PLB1: variants seen among roughly 807,000 people sequenced by gnomAD.
PLB1 encodes the protein phospholipase B1, membrane-associated.
A neutral mutation model predicts 227.4 loss-of-function variants in PLB1; 242 were observed. The ratio of observed to expected loss-of-function variants is 1.06; its 90% CI spans 0.96 to 1.18. The LOEUF (loss-of-function observed/expected upper bound fraction) is 1.18, where lower values mean the gene tolerates loss of function less well. PLB1 is among the 50% of genes most tolerant of loss of function. The pLI is 0.00. For synonymous variants in PLB1, 757 were observed against 682.2 expected, an observed-to-expected ratio of 1.11 and a Z score of -1.71; for missense variants, 1,858 against 1,816.3, an observed-to-expected ratio of 1.02 and a Z score of -0.42.
rs867436061 is a variant in PLB1 at position 28,548,860 on chromosome 2, A to G, written c.937A>G (p.Met313Val). ...TTCTAAAGCCCACGTTCCTTTCTAG[A>G]TGGAGCCAGCAGGAGAGAAAGATGA... is the stretch of plus-strand genomic sequence containing the variant. ...TLAWHLWNRM[M>V]EPAGEKDEPL... The change falls in exon 15 of 58, where the codon ATG (methionine) becomes GTG (valine). Residue 313 changes from methionine (M) to valine (V), a missense_variant and splice_region_variant. By Grantham distance (21) the Met-to-Val change is conservative. Coordinates refer to ENST00000327757, the MANE Select transcript of PLB1 (RefSeq NM_153021.5). 1.2e-6 allele frequency: 2 copies of G among 1,614,060 alleles called. No individual in the cohort carries two copies. The highest frequency in any genetic ancestry group is 3.3e-4 in the Middle Eastern group (2 of 6,056).
intron 23 of PLB1, 87 bp from the exon 24 acceptor site, chr2:28,581,978 AAAG>A (rs905189963): frequency 1.2e-5 from 16 of 1,310,864 alleles, no homozygotes; most frequent in African/African-American, 7.6e-5. Flanking sequence ...GAAAAAAAAA[AAAG>A]AAGGGGACCC....
intron 26 of PLB1, among the ~76,000 whole-genome samples, chr2:28,588,714 C>T (rs1681335640): frequency 6.6e-6 from 1 of 152,170 alleles, no homozygotes; most frequent in African/African-American, 2.4e-5. Context: ...CAAAGAAGTG[C>T]ACACACACCA....
chr2:28,556,462 A>G (rs1449710368), intron 17 of PLB1, among the ~76,000 whole-genome samples: 1 of 152,138 alleles, frequency 6.6e-6, no homozygotes, highest in Non-Finnish European at 1.5e-5. Context: ...AAAACTTGCA[A>G]CTTTTTCCTC....
chr2:28,614,142 C>T (rs761597172), intron 44 of PLB1, 46 bp downstream of exon 44: 1 of 1,532,262 alleles, frequency 6.5e-7, no homozygotes, highest in East Asian at 2.2e-5. Context: ...AAACCATTTC[C>T]ACCTGCCAGG....
rs1031747262 is a variant in PLB1, at chr2:28,643,958, A to G, written c.*897A>G. 6.6e-6 allele frequency among the ~76,000 whole-genome samples: 1 copy of G among 152,228 alleles called. No homozygotes were observed. Among genetic ancestry groups the G allele is most frequent in the Non-Finnish European group, 1.5e-5 (1 of 68,034 alleles). On this transcript the variant is annotated 3_prime_UTR_variant, in exon 58 of 58. Transcript: ENST00000327757. The stretch of plus-strand genomic sequence containing the variant: ...GCCCCGTGCTGGAGGCCTTCCACAG[A>G]TGGTCTCTTTTATGCTGCACAAAAG...
chr2:28,521,114 C>T (rs1669475542), intron 4 of PLB1, among the ~76,000 whole-genome samples: 1 of 152,206 alleles, frequency 6.6e-6, no homozygotes, highest in African/African-American at 2.4e-5. Flanking sequence ...CCCTTCCTTT[C>T]TTAAGGATGA....
At chr2:28,537,792 T>G (rs1053156141) in intron 9 of PLB1, among the ~76,000 whole-genome samples, 6 of 151,504 alleles carry the variant, frequency 4.0e-5, no homozygotes, top group African/African-American at 1.5e-4. Flanking sequence ...AATACTCAGG[T>G]GGCAGGACCC....
chr2:28,566,725 C>T (rs1372344407), intron 19 of PLB1, 71 bp from the exon 20 acceptor site: 1 of 1,544,852 alleles, frequency 6.5e-7, no homozygotes. Flanking sequence ...GCGTTTCTGG[C>T]TAGTGTCTGA....
intron 56 of PLB1, chr2:28,633,306 C>G (rs1247361015): frequency 1.6e-5 from 7 of 441,138 alleles, no homozygotes; most frequent in Middle Eastern, 6.2e-4. Context: ...GAGGGGATCC[C>G]TTTGTAATCA....
intron 29 of PLB1, 62 bp downstream of exon 29, chr2:28,590,138 C>A: frequency 7.1e-7 from 1 of 1,404,862 alleles, no homozygotes; most frequent in Non-Finnish European, 1.0e-6. Flanking sequence ...CTCATTTCAT[C>A]CTAGGCCCTC....
Position 28,565,293 on chromosome 2 carries a change from C to T in PLB1, c.1220C>T (p.Ala407Val). ...LGDSLTAGNG[A>V]GSTPGNVLDV... The stretch of plus-strand genomic sequence containing the variant: ...GTTCCCTCTCAGGCAGGCAATGGGG[C>T]CGGGTCCACACCTGGGAACGTCTTG... The change falls in exon 19 of 58, where the codon GCC (alanine) becomes GTC (valine). Residue 407 changes from alanine (A) to valine (V), a missense_variant. Transcript: ENST00000327757. 6.2e-7 allele frequency: 1 copy of T among 1,611,874 alleles called. No individual in the cohort carries two copies. The highest frequency in any genetic ancestry group is 8.5e-7 in the Non-Finnish European group (1 of 1,179,172).
At chr2:28,550,628 C>T (rs920920145) in intron 16 of PLB1, among the ~76,000 whole-genome samples, 2 of 150,552 alleles carry the variant, frequency 1.3e-5, no homozygotes, top group African/African-American at 4.9e-5. Flanking sequence ...GTAACCTTAG[C>T]CTCCTGGGTT....
At chr2:28,569,370 T>A (rs1385721735) in intron 20 of PLB1, among the ~76,000 whole-genome samples, 5 of 152,150 alleles carry the variant, frequency 3.3e-5, no homozygotes, top group African/African-American at 9.7e-5. Flanking sequence ...TAGACCCTGC[T>A]CTCAGGATGG....
At chr2:28,499,445 T>A (rs1666831559) in intron 1 of PLB1, among the ~76,000 whole-genome samples, 1 of 151,916 alleles carries the variant, frequency 6.6e-6, no homozygotes, top group African/African-American at 2.4e-5. Context: ...ATAATGACGG[T>A]GTTGTTACTT....
At chr2:28,539,482 A>G (rs1007530241) in intron 11 of PLB1, among the ~76,000 whole-genome samples, 112 of 152,224 alleles carry the variant, frequency 7.4e-4, no homozygotes, top group Admixed American at 7.3e-3. Context: ...GCCTTGGCAA[A>G]ACATCCATAA....
At chr2:28,566,955 A>G in intron 20 of PLB1, 116 bp downstream of exon 20, 1 of 1,091,786 alleles carries the variant, frequency 9.2e-7, no homozygotes, top group Non-Finnish European at 1.3e-6. Context: ...AGCCCGCTAA[A>G]TTCACCAGGG....
chr2:28,533,122 T>C (rs1424107187), intron 9 of PLB1, among the ~76,000 whole-genome samples: 4 of 152,102 alleles, frequency 2.6e-5, no homozygotes, highest in Admixed American at 2.0e-4. Flanking sequence ...GTGGTTTCTT[T>C]TCTGTGCCCC....
At position 28,529,304 on chromosome 2, in the gene PLB1, G is replaced by A. The variant is rs1489531963; in HGVS notation, c.326-13G>A. The stretch of plus-strand genomic sequence containing the variant: ...TGGTGAAGGCCAGGGCCTCAAACCA[G>A]TTCTCTCTTTAGTCCTTTCAGACAT... On this transcript the variant is annotated splice_polypyrimidine_tract_variant and intron_variant, in intron 6 of 57. Transcript: ENST00000327757. 6.3e-7 allele frequency: 1 copy of A among 1,589,708 alleles called. No individual in the cohort carries two copies. Among genetic ancestry groups the A allele is most frequent in the African/African-American group, 1.3e-5 (1 of 74,354 alleles).
Position 28,640,942 on chromosome 2 carries a change from C to T in PLB1, c.4114C>T (p.Arg1372Cys), listed in dbSNP as rs368536849. The T allele has an allele frequency of 1.5e-4, 248 of 1,613,638 alleles. No individual in the cohort carries two copies. The highest frequency in any genetic ancestry group is 2.0e-4 in the Non-Finnish European group (235 of 1,179,822). The change falls in exon 57 of 58, where the codon CGC (arginine) becomes TGC (cysteine). Residue 1372 changes from arginine to cysteine, a missense_variant. Transcript: ENST00000327757. ...LWNNMLEPVG[R>C]KTTSNNFTHS... ...CTCTCTCCAGCTGGAACCAGTGGGC[C>T]GCAAGACTACCTCCAACAACTTCAC...
Sources: gnomAD v4.1 joint callset for allele counts (sites outside exome capture counted in the v4.1 genomes callset) on GRCh38, gnomAD v4.1.1 for gene constraint, MANE v1.5 for transcripts, NCBI Gene and HGNC (gene_info 2026-07-23, HGNC 2026-07-21) for gene names.